The following GYPE variants were observed in gnomAD, a reference collection of about 807,000 sequenced individuals.
The protein encoded by GYPE is glycophorin E (MNS blood group).
GYPE carries 8 observed loss-of-function variants against 11.6 expected under a neutral mutation model. The observed-to-expected ratio is 0.69, with a 90% CI of 0.41 to 1.25. GYPE has a LOEUF of 1.25. Among genes scored for constraint, GYPE ranks in the 50% most tolerant of loss-of-function variants. GYPE has a pLI of 0.01. For synonymous variants in GYPE, 28 were observed against 29.6 expected, an observed-to-expected ratio of 0.94 and a Z score of 0.18; for missense variants, 90 against 92.8, an observed-to-expected ratio of 0.97 and a Z score of 0.12.
chr4:143,898,734 T>C (rs956439686), intron 1 of GYPE, among the ~76,000 whole-genome samples: 2 of 152,216 alleles, frequency 1.3e-5, no homozygotes, highest in Admixed American at 1.3e-4. Flanking sequence ...AACGAATCAA[T>C]GAAGACAGAT....
intron 1 of GYPE, among the ~76,000 whole-genome samples, chr4:143,893,696 G>C (rs186847821): frequency 6.6e-6 from 1 of 152,134 alleles, no homozygotes; most frequent in African/African-American, 2.4e-5. Flanking sequence ...AGTCTCATGG[G>C]CTTCCCTTTG....
intron 2 of GYPE, chr4:143,878,809 A>G (rs1050264318): frequency 5.4e-6 from 2 of 371,544 alleles, no homozygotes; most frequent in East Asian, 8.4e-5. Context: ...AACTTTCAAC[A>G]TCTAGCTAGT....
intron 1 of GYPE, among the ~76,000 whole-genome samples, chr4:143,894,308 T>C (rs183925726): frequency 3.2e-4 from 49 of 152,288 alleles, no homozygotes; most frequent in African/African-American, 1.1e-3. Flanking sequence ...CTTCTCTCAA[T>C]TCGTCAAAGT....
At chr4:143,874,315 G>A (rs1463511957) in intron 3 of GYPE, among the ~76,000 whole-genome samples, 1 of 151,724 alleles carries the variant, frequency 6.6e-6, no homozygotes, top group African/African-American at 2.4e-5. Flanking sequence ...CTCACCCACA[G>A]AAAGAACTTT....
intron 1 of GYPE, among the ~76,000 whole-genome samples, chr4:143,889,405 CTA>C: frequency 6.6e-6 from 1 of 152,080 alleles, no homozygotes; most frequent in East Asian, 1.9e-4. Context: ...GAGCAGAGTT[CTA>C]TTCCTGGCTT....
At chr4:143,875,849 C>G (rs368989223) in intron 3 of GYPE, among the ~76,000 whole-genome samples, 2 of 152,014 alleles carry the variant, frequency 1.3e-5, no homozygotes, top group Admixed American at 6.6e-5. Flanking sequence ...TGGCCCGCAC[C>G]TGTAGTCCCA....
At chr4:143,881,519 A>G (rs1165247436) in intron 1 of GYPE, among the ~76,000 whole-genome samples, 1 of 152,154 alleles carries the variant, frequency 6.6e-6, no homozygotes, top group Non-Finnish European at 1.5e-5. Flanking sequence ...TTTAGTTGTT[A>G]TATCTAAATA....
In GYPE at chr4:143,900,146, A is replaced by T. The variant is rs183330372; in HGVS notation, c.37+5325T>A. Among the ~76,000 whole-genome samples the T allele has an allele frequency of 5.9e-3, 890 of 151,758 alleles. 7 individuals are homozygous for T. Among genetic ancestry groups the T allele is most frequent in the Admixed American group, 7.4e-3 (113 of 15,206 alleles). The stretch of plus-strand genomic sequence containing the variant: ...AAATGGGTGAAGGACTAGAACCAAC[A>T]TTTCTCCAAAGATATGCAAAATGCA... On this transcript the variant is annotated intron_variant, in intron 1 of 3. Transcript: ENST00000358615.
intron 1 of GYPE, among the ~76,000 whole-genome samples, chr4:143,897,417 T>C (rs1744693736): frequency 6.6e-6 from 1 of 152,040 alleles, no homozygotes. Context: ...TGAAGTAAGT[T>C]ATGACTGTGC....
chr4:143,880,428 A>T lies in GYPE; in HGVS notation c.119T>A (p.Ile40Asn). The T allele has an allele frequency of 1.9e-6, 3 of 1,613,998 alleles. No individual in the cohort carries two copies. The highest frequency in any genetic ancestry group is 2.7e-5 in the African/African-American group (2 of 75,070). ...AAACAAACCATTTGTCTGTGATGAG[A>T]TGTAACTCTTTGTGACTGAAGAAGA... is the stretch of plus-strand genomic sequence containing the variant. ...STSSSVTKSY[I>N]SSQTNGITLI... The change falls in exon 2 of 4, where the codon ATC becomes AAC. Residue 40 changes from isoleucine to asparagine, a missense_variant. Physicochemically the swap from Ile to Asn is moderately radical, Grantham distance 149. Coordinates refer to ENST00000358615, the MANE Select transcript of GYPE (RefSeq NM_198682.3).
At chr4:143,899,428 TA>T (rs1247506645) in intron 1 of GYPE, among the ~76,000 whole-genome samples, 38 of 152,316 alleles carry the variant, frequency 2.5e-4, no homozygotes, top group African/African-American at 3.1e-4. Flanking sequence ...TTGAACAGAT[TA>T]AGTTAAAATG....
At chr4:143,903,687 A>G (rs1281979232) in intron 1 of GYPE, among the ~76,000 whole-genome samples, 3 of 152,116 alleles carry the variant, frequency 2.0e-5, no homozygotes, top group Non-Finnish European at 2.9e-5. Flanking sequence ...TACGAAGATG[A>G]TAACAGCTTG....
chr4:143,895,562 G>A (rs1390586450), intron 1 of GYPE, among the ~76,000 whole-genome samples: 41 of 149,728 alleles, frequency 2.7e-4, no homozygotes, highest in African/African-American at 9.3e-4. Flanking sequence ...AATCAATATC[G>A]TGAAAATGGC....
intron 3 of GYPE, 69 bp from the exon 4 acceptor site, chr4:143,872,321 C>G (rs1177351348): frequency 6.6e-6 from 1 of 152,480 alleles, no homozygotes; most frequent in Non-Finnish European, 1.5e-5. Context: ...ATTTTAATAA[C>G]AAAAACAACC....
intron 1 of GYPE, among the ~76,000 whole-genome samples, chr4:143,880,757 C>T (rs530554338): frequency 6.6e-6 from 1 of 152,214 alleles, no homozygotes; most frequent in African/African-American, 2.4e-5. Flanking sequence ...ATAAAGTGTG[C>T]CTTGGTTTTC....
chr4:143,872,612 A>G (rs562359048), intron 3 of GYPE, among the ~76,000 whole-genome samples: 1 of 152,204 alleles, frequency 6.6e-6, no homozygotes, highest in South Asian at 2.1e-4. Context: ...ATTTCATTCA[A>G]TGAAATTTTA....
rs1257323620 is a variant in GYPE at position 143,883,826 on chromosome 4, G to GA, written c.38-3318dup. Among the ~76,000 whole-genome samples the GA allele has an allele frequency of 3.4e-5, 5 of 146,574 alleles. No homozygotes were observed. In the East Asian group the frequency reaches 5.9e-4, roughly 17 times the overall value. ...AGCAAGCATACTTTTGCTAACATAA[G>GA]AAAAAAAAACAAAAAGTAAAAAATA... On this transcript the variant is annotated intron_variant, in intron 1 of 3. Transcript: ENST00000358615.
chr4:143,875,292 A>C, intron 3 of GYPE: 1 of 625,912 alleles, frequency 1.6e-6, no homozygotes, highest in Non-Finnish European at 2.8e-6. Flanking sequence ...GAAATAACAA[A>C]TCATGACTAT....
At chr4:143,874,770 C>G (rs1743734887) in intron 3 of GYPE, among the ~76,000 whole-genome samples, 1 of 152,162 alleles carries the variant, frequency 6.6e-6, no homozygotes, top group South Asian at 2.1e-4. Context: ...TCAGAGATTT[C>G]TGACCCAGCC....
Sources: allele counts gnomAD v4.1 joint callset (sites outside exome capture counted in the v4.1 genomes callset), GRCh38; gene constraint gnomAD v4.1.1; transcripts MANE v1.5; gene names NCBI Gene and HGNC (gene_info 2026-07-23, HGNC 2026-07-21).